Variants in DYM observed in about 807,000 individuals in gnomAD.
The protein encoded by DYM is dymeclin.
In DYM, 78 loss-of-function variants were observed where a neutral mutation model predicts 93.1. That is an observed-to-expected ratio of 0.84 (90% CI 0.70 to 1.01). DYM has a LOEUF of 1.01. Among genes scored for constraint, DYM ranks in the 50% least tolerant of loss-of-function variants. The pLI is 0.00. For missense variants in DYM, 789 were observed against 845.0 expected (o/e 0.93, Z 0.82); for synonymous variants, 321 against 319.7 (o/e 1.00, Z -0.04).
At chr18:49,150,785 C>A (rs1008804442) in intron 15 of DYM, among the ~76,000 whole-genome samples, 1 of 152,102 alleles carries the variant, frequency 6.6e-6, no homozygotes, top group Non-Finnish European at 1.5e-5. Flanking sequence ...AAGCATGATG[C>A]AAATTTAAGA....
chr18:49,112,467 C>T (rs2081509486), intron 16 of DYM, among the ~76,000 whole-genome samples: 1 of 152,182 alleles, frequency 6.6e-6, no homozygotes, highest in Admixed American at 6.5e-5. Flanking sequence ...TGGTGTCTCA[C>T]CTCAACTTGA....
intron 8 of DYM, among the ~76,000 whole-genome samples, chr18:49,319,834 T>G (rs1010344784): frequency 6.6e-6 from 1 of 152,162 alleles, no homozygotes; most frequent in African/African-American, 2.4e-5. Flanking sequence ...TCTCTTCCTT[T>G]TGTCAAGTAT....
chr18:49,241,066 T>C (rs1471720494), intron 13 of DYM, among the ~76,000 whole-genome samples: 2 of 152,168 alleles, frequency 1.3e-5, no homozygotes, highest in African/African-American at 4.8e-5. Context: ...TTGATGCAAA[T>C]GTCAGCACAG....
At chr18:49,284,062 G>A (rs2095058177) in intron 9 of DYM, among the ~76,000 whole-genome samples, 1 of 152,136 alleles carries the variant, frequency 6.6e-6, no homozygotes, top group Non-Finnish European at 1.5e-5. Context: ...GGAATCTACA[G>A]AATGTTCACT....
intron 5 of DYM, among the ~76,000 whole-genome samples, chr18:49,369,356 G>T (rs562615969): frequency 6.6e-6 from 1 of 152,176 alleles, no homozygotes; most frequent in Non-Finnish European, 1.5e-5. Flanking sequence ...AACTGGGAAG[G>T]GGGGTGGCCT....
At chr18:49,449,206 T>C (rs889856147) in intron 1 of DYM, among the ~76,000 whole-genome samples, 1 of 152,234 alleles carries the variant, frequency 6.6e-6, no homozygotes, top group African/African-American at 2.4e-5. Context: ...GATAGGTATA[T>C]AGAAGCTTTC....
At chr18:49,222,179 G>A (rs1171613981) in intron 13 of DYM, among the ~76,000 whole-genome samples, 2 of 151,694 alleles carry the variant, frequency 1.3e-5, no homozygotes, top group South Asian at 4.2e-4. Context: ...CACATACACG[G>A]AACAGAATAA....
chr18:49,145,134 T>TATATATATATATATATATATATA (rs1555778609), intron 15 of DYM, among the ~76,000 whole-genome samples: 6 of 79,566 alleles, frequency 7.5e-5, no homozygotes, highest in Admixed American at 1.7e-4. Flanking sequence ...TATATATATA[T>TATATATATATATATATATATATA]AATTTATATA....
At chr18:49,288,404 A>G (rs2059802110) in intron 8 of DYM, among the ~76,000 whole-genome samples, 1 of 152,242 alleles carries the variant, frequency 6.6e-6, no homozygotes, top group Non-Finnish European at 1.5e-5. Context: ...GCTGACAACC[A>G]TAGAATTTGA....
chr18:49,203,871 TAAA>T (rs71165370), intron 14 of DYM, among the ~76,000 whole-genome samples: 4,527 of 63,604 alleles, frequency 0.071, 104 homozygotes, highest in African/African-American at 0.092. Flanking sequence ...TTTAAAAAAG[TAAA>T]AAAAAAAAAA....
chr18:49,257,223 TC>T, intron 12 of DYM, 119 bp from the exon 13 acceptor site: 1 of 775,248 alleles, frequency 1.3e-6, no homozygotes. Context: ...AAAGTTCAGA[TC>T]CACTATCTCT....
At chr18:49,242,343 G>A (rs1269483985) in intron 13 of DYM, among the ~76,000 whole-genome samples, 6 of 152,210 alleles carry the variant, frequency 3.9e-5, no homozygotes, top group Non-Finnish European at 8.8e-5. Context: ...GAAACTGGGA[G>A]GCGGAGGTTG....
chr18:49,414,723 A>C (rs533108204), intron 2 of DYM, among the ~76,000 whole-genome samples: 1 of 152,194 alleles, frequency 6.6e-6, no homozygotes, highest in African/African-American at 2.4e-5. Flanking sequence ...CTGCTTTCCC[A>C]GAGACTCTCT....
At chr18:49,306,536 A>T (rs2061286403) in intron 8 of DYM, among the ~76,000 whole-genome samples, 1 of 152,222 alleles carries the variant, frequency 6.6e-6, no homozygotes, top group Non-Finnish European at 1.5e-5. Context: ...AATTTTCTAA[A>T]AGGAATTCAA....
At chr18:49,200,347 T>C (rs1215254903) in intron 14 of DYM, among the ~76,000 whole-genome samples, 1 of 152,048 alleles carries the variant, frequency 6.6e-6, no homozygotes, top group Admixed American at 6.5e-5. Flanking sequence ...TATCTGGTTT[T>C]TGGACACATA....
intron 2 of DYM, among the ~76,000 whole-genome samples, chr18:49,409,932 T>C (rs1485207164): frequency 6.6e-6 from 1 of 152,218 alleles, no homozygotes; most frequent in Non-Finnish European, 1.5e-5. Context: ...GTGGAGCCTA[T>C]ACGTAGTACC....
chr18:49,340,752 A>G (rs1428678350), intron 6 of DYM, among the ~76,000 whole-genome samples: 1 of 152,244 alleles, frequency 6.6e-6, no homozygotes, highest in African/African-American at 2.4e-5. Context: ...GGGGGGACAT[A>G]ATGAGGACAT....
chr18:49,305,262 C>T (rs1018565120), intron 8 of DYM, among the ~76,000 whole-genome samples: 1 of 152,188 alleles, frequency 6.6e-6, no homozygotes, highest in African/African-American at 2.4e-5. Flanking sequence ...TCTCCACCTA[C>T]TCCATGTCCC....
chr18:49,219,220 T>C (rs1390682942), intron 13 of DYM, among the ~76,000 whole-genome samples: 1 of 152,146 alleles, frequency 6.6e-6, no homozygotes, highest in African/African-American at 2.4e-5. Context: ...AAGCTGAATC[T>C]CTGAATAGAC....
Sources: allele counts gnomAD v4.1 joint callset (sites outside exome capture counted in the v4.1 genomes callset), GRCh38; gene constraint gnomAD v4.1.1; transcripts MANE v1.5; gene names NCBI Gene and HGNC (gene_info 2026-07-23, HGNC 2026-07-21).